NRG3: variants seen among roughly 807,000 people sequenced by gnomAD.
NRG3 encodes pro-neuregulin-3, membrane-bound isoform.
Under a neutral mutation model 66.9 loss-of-function variants are expected in NRG3, and 31 were observed. The ratio of observed to expected loss-of-function variants is 0.46; its 90% CI spans 0.35 to 0.63. The LOEUF (loss-of-function observed/expected upper bound fraction) is 0.63. NRG3 is among the 20% of genes least tolerant of loss of function. The probability of loss-of-function intolerance (pLI) is 0.00; values close to 1 mark genes in which losing one functional copy is unlikely to be tolerated. For synonymous variants in NRG3, 393 were observed against 359.4 expected (o/e 1.09, Z -1.06); for missense variants, 910 against 878.9 (o/e 1.04, Z -0.45).
intron 1 of NRG3, among the ~76,000 whole-genome samples, chr10:82,270,658 G>C (rs1304584327): frequency 7.2e-5 from 11 of 152,032 alleles, no homozygotes; most frequent in Admixed American, 5.9e-4. Flanking sequence ...TAGCAAAATG[G>C]TTTCATTCCT....
intron 1 of NRG3, among the ~76,000 whole-genome samples, chr10:82,321,584 T>G (rs2081581209): frequency 6.6e-6 from 1 of 152,206 alleles, no homozygotes; most frequent in African/African-American, 2.4e-5. Flanking sequence ...TGCCTAATAG[T>G]GATCCCCTGG....
intron 1 of NRG3, among the ~76,000 whole-genome samples, chr10:82,001,172 T>C (rs530396405): frequency 6.7e-6 from 1 of 149,856 alleles, no homozygotes; most frequent in East Asian, 2.0e-4. Flanking sequence ...GCTCATACAT[T>C]TTTAAAAAAG....
At chr10:82,431,205 C>T (rs747433541) in intron 2 of NRG3, among the ~76,000 whole-genome samples, 7 of 152,090 alleles carry the variant, frequency 4.6e-5, no homozygotes, top group Non-Finnish European at 8.8e-5. Context: ...CAAGTAAATA[C>T]TAGCCTCATA....
At chr10:82,488,737 C>A (rs892047797) in intron 2 of NRG3, among the ~76,000 whole-genome samples, 1 of 152,054 alleles carries the variant, frequency 6.6e-6, no homozygotes. Context: ...GATGGCATGA[C>A]CAGTTGGGTC....
intron 1 of NRG3, among the ~76,000 whole-genome samples, chr10:82,148,965 G>A (rs1295481474): frequency 6.6e-6 from 1 of 152,038 alleles, no homozygotes; most frequent in Non-Finnish European, 1.5e-5. Flanking sequence ...GGGGTGAGAT[G>A]AGTCAGATAG....
At chr10:82,465,439 C>T (rs768690596) in intron 2 of NRG3, among the ~76,000 whole-genome samples, 6 of 152,194 alleles carry the variant, frequency 3.9e-5, no homozygotes, top group Non-Finnish European at 8.8e-5. Flanking sequence ...CCTTTGTCTT[C>T]GTTGACTAAC....
chr10:82,351,077 G>T (rs187867052), intron 1 of NRG3, among the ~76,000 whole-genome samples: 1 of 152,098 alleles, frequency 6.6e-6, no homozygotes, highest in East Asian at 1.9e-4. Flanking sequence ...TGTATTTTTG[G>T]TAGAAACGGG....
intron 3 of NRG3, among the ~76,000 whole-genome samples, chr10:82,824,878 AG>A (rs2062125774): frequency 6.6e-6 from 1 of 151,928 alleles, no homozygotes; most frequent in Admixed American, 6.6e-5. Flanking sequence ...GACCATGCCC[AG>A]CTAACTTATT....
chr10:82,418,161 G>A (rs1423661644), intron 2 of NRG3, among the ~76,000 whole-genome samples: 1 of 152,188 alleles, frequency 6.6e-6, no homozygotes, highest in Non-Finnish European at 1.5e-5. Flanking sequence ...TAGTACCAGT[G>A]TTTAAAATGT....
intron 1 of NRG3, among the ~76,000 whole-genome samples, chr10:81,906,959 A>G (rs761850460): frequency 8.5e-5 from 13 of 152,228 alleles, no homozygotes; most frequent in Middle Eastern, 6.8e-3. Context: ...TTCTTTGTTT[A>G]TTTGTTTACC....
chr10:82,692,115 G>A (rs779003619), intron 2 of NRG3, among the ~76,000 whole-genome samples: 53 of 152,116 alleles, frequency 3.5e-4, no homozygotes, highest in African/African-American at 1.0e-3. Flanking sequence ...TTAGCCAGGC[G>A]TGGTGGCAGA....
intron 4 of NRG3, among the ~76,000 whole-genome samples, chr10:82,879,126 A>G (rs932486524): frequency 3.3e-5 from 5 of 152,152 alleles, no homozygotes; most frequent in Non-Finnish European, 5.9e-5. Context: ...AAATCTAACT[A>G]ATTTATGTGT....
intron 3 of NRG3, among the ~76,000 whole-genome samples, chr10:82,766,000 T>A (rs756795631): frequency 6.6e-6 from 1 of 152,180 alleles, no homozygotes; most frequent in African/African-American, 2.4e-5. Flanking sequence ...TAGACAGTTA[T>A]TTCCTATTCA....
intron 2 of NRG3, among the ~76,000 whole-genome samples, chr10:82,578,785 A>G (rs190002491): frequency 6.6e-6 from 1 of 152,024 alleles, no homozygotes; most frequent in East Asian, 1.9e-4. Context: ...TGAGATAGGT[A>G]TGATTAGCAT....
At chr10:82,948,355 C>T (rs889761872) in intron 4 of NRG3, among the ~76,000 whole-genome samples, 7 of 152,032 alleles carry the variant, frequency 4.6e-5, no homozygotes, top group African/African-American at 1.2e-4. Flanking sequence ...TCATGAGATT[C>T]CACAACTTTG....
At chr10:82,274,291 C>T (rs2078736953) in intron 1 of NRG3, among the ~76,000 whole-genome samples, 1 of 152,014 alleles carries the variant, frequency 6.6e-6, no homozygotes, top group Non-Finnish European at 1.5e-5. Context: ...GTTTTCTTCC[C>T]ATGCTCATAG....
At chr10:82,836,848 C>G (rs1201759480) in intron 3 of NRG3, among the ~76,000 whole-genome samples, 1 of 151,752 alleles carries the variant, frequency 6.6e-6, no homozygotes, top group African/African-American at 2.4e-5. Context: ...CCCATTAACT[C>G]ATCATTTAAC....
chr10:82,760,407 C>T (rs1227912426), intron 3 of NRG3, among the ~76,000 whole-genome samples: 1 of 151,894 alleles, frequency 6.6e-6, no homozygotes, highest in Non-Finnish European at 1.5e-5. Flanking sequence ...AGAATGCAGC[C>T]AAAGAGAAAA....
intron 2 of NRG3, among the ~76,000 whole-genome samples, chr10:82,573,277 C>A (rs916313796): frequency 1.6e-4 from 24 of 151,716 alleles, no homozygotes; most frequent in African/African-American, 5.6e-4. Context: ...ATCTGGTATT[C>A]TTTCAGTCTA....
Sources: allele counts gnomAD v4.1 joint callset (sites outside exome capture counted in the v4.1 genomes callset), GRCh38; gene constraint gnomAD v4.1.1; transcripts MANE v1.5; gene names NCBI Gene and HGNC (gene_info 2026-07-23, HGNC 2026-07-21).